Variants in EHMT1 observed in about 807,000 individuals in gnomAD.
The protein encoded by EHMT1 is histone-lysine N-methyltransferase EHMT1.
Under a neutral mutation model 147.2 loss-of-function variants are expected in EHMT1, and 15 were observed. That is an observed-to-expected ratio of 0.10 (90% CI 0.07 to 0.16). The LOEUF (loss-of-function observed/expected upper bound fraction) is 0.16, where lower values mean the gene tolerates loss of function less well. EHMT1 is among the 10% of genes least tolerant of loss of function. EHMT1 has a pLI of 1.00. For missense variants in EHMT1, 1,587 were observed against 1,772.4 expected, an observed-to-expected ratio of 0.90 and a Z score of 1.88; for synonymous variants, 795 against 709.6, an observed-to-expected ratio of 1.12 and a Z score of -1.91.
intron 2 of EHMT1, among the ~76,000 whole-genome samples, chr9:137,713,263 ATT>A (rs59459382): frequency 9.8e-6 from 1 of 102,350 alleles, no homozygotes; most frequent in Non-Finnish European, 2.0e-5. Flanking sequence ...CACCATGCTA[ATT>A]TTTTTTTTTT....
At chr9:137,733,961 C>T (rs1947325828) in intron 4 of EHMT1, among the ~76,000 whole-genome samples, 1 of 152,174 alleles carries the variant, frequency 6.6e-6, no homozygotes, top group African/African-American at 2.4e-5. Flanking sequence ...AAAATGACAA[C>T]AACAAAAACA....
chr9:137,694,916 C>CTA (rs1943270944), intron 1 of EHMT1, among the ~76,000 whole-genome samples: 1 of 152,212 alleles, frequency 6.6e-6, no homozygotes, highest in Non-Finnish European at 1.5e-5. Context: ...AGAGCATCAG[C>CTA]ATATTAGTGG....
chr9:137,689,293 A>T (rs765915421), intron 1 of EHMT1, among the ~76,000 whole-genome samples: 1 of 152,152 alleles, frequency 6.6e-6, no homozygotes, highest in Non-Finnish European at 1.5e-5. Flanking sequence ...GTCCTTCAGG[A>T]GTATTTTTGT....
chr9:137,741,567 A>G (rs1235517736), intron 4 of EHMT1, among the ~76,000 whole-genome samples: 5 of 152,212 alleles, frequency 3.3e-5, no homozygotes, highest in Non-Finnish European at 7.3e-5. Flanking sequence ...ATTAATAACC[A>G]TGGGTTACTG....
At position 137,828,617 on chromosome 9, in the gene EHMT1, C is replaced by T. The variant is rs1955984613; in HGVS notation, c.3541-5732C>T. On this transcript the variant is annotated intron_variant, in intron 25 of 26. Transcript: ENST00000460843. The surrounding 1 kb of genome is among the most constrained non-coding windows in gnomAD (Gnocchi z 5.3). ...GGAGGTACCACGTCTCCCGGGCAGC[C>T]ACAGATCCCACACTCACGGCCCAAG... Among the ~76,000 whole-genome samples, 1 of 152,140 alleles carries T rather than the reference C, an allele frequency of 6.6e-6. No homozygotes were observed. Among genetic ancestry groups the T allele is most frequent in the Admixed American group, 6.5e-5 (1 of 15,274 alleles).
At chr9:137,808,806 C>G (rs531315781) in intron 18 of EHMT1, among the ~76,000 whole-genome samples, 2 of 152,228 alleles carry the variant, frequency 1.3e-5, no homozygotes, top group African/African-American at 4.8e-5. Flanking sequence ...GCCTGTTATC[C>G]CAGCTACTGG....
chr9:137,833,727 TGAG>T (rs1956386675), intron 25 of EHMT1, among the ~76,000 whole-genome samples: 1 of 152,214 alleles, frequency 6.6e-6, no homozygotes, highest in Non-Finnish European at 1.5e-5. Context: ...GGCACCAGGG[TGAG>T]GAGGACGCCT....
rs1172239495 is a variant in EHMT1 at position 137,762,777 on chromosome 9, T to A, written c.1604T>A (p.Leu535Gln). The change falls in exon 10 of 27, where the codon CTG (leucine) becomes CAG (glutamine). Residue 535 changes from leucine to glutamine, a missense_variant. By Grantham distance (113) the Leu-to-Gln change is moderately radical. Around this residue, in one of 7 missense-constraint regions of EHMT1, gnomAD observed 124 missense variants for 197.8 expected, o/e 0.63. Transcript: ENST00000460843. ...CCGAAGAGTCGAGAGATCACCACACTGGCCAACAACCAGTGCATGGCTACA... is the reference window on the plus strand; with the variant it reads ...CCGAAGAGTCGAGAGATCACCACACAGGCCAACAACCAGTGCATGGCTACA... ...ETPKSREITT[L>Q]ANNQCMATES... is the part of the protein sequence containing the mutation. The A allele has an allele frequency of 1.2e-6, 2 of 1,614,216 alleles. No individual in the cohort carries two copies. Among genetic ancestry groups the A allele is most frequent in the South Asian group, 2.2e-5 (2 of 91,074 alleles).
chr9:137,660,088 G>A (rs1938921593), intron 1 of EHMT1, among the ~76,000 whole-genome samples: 1 of 151,886 alleles, frequency 6.6e-6, no homozygotes, highest in African/African-American at 2.4e-5. Context: ...TGTAGTCCCA[G>A]CACTTTGGGA....
intron 1 of EHMT1, among the ~76,000 whole-genome samples, chr9:137,656,872 C>T (rs1236933996): frequency 6.6e-6 from 1 of 152,138 alleles, no homozygotes; most frequent in Non-Finnish European, 1.5e-5. Flanking sequence ...TCCCGAGTAG[C>T]TGGGATTACA....
At chr9:137,671,112 A>C (rs551506863) in intron 1 of EHMT1, among the ~76,000 whole-genome samples, 5 of 152,200 alleles carry the variant, frequency 3.3e-5, no homozygotes, top group Non-Finnish European at 7.3e-5. Context: ...CTTACAGATT[A>C]GTGAGGGTGT....
rs1334784129 is a variant in EHMT1, at chr9:137,732,526, C to T, written c.823+3997C>T. On this transcript the variant is annotated intron_variant, in intron 4 of 26. Transcript: ENST00000460843. The surrounding 1 kb of genome is among the most constrained non-coding windows in gnomAD (Gnocchi z 4.6). The stretch of plus-strand genomic sequence containing the variant: ...AGGCAGTCCTGTTGTGTGGCTGAGT[C>T]TGGGGGTTTATGTGGGCTCAGAATG... 6.6e-6 allele frequency among the ~76,000 whole-genome samples: 1 copy of T among 152,108 alleles called. No individual in the cohort carries two copies. The highest frequency in any genetic ancestry group is 2.4e-5 in the African/African-American group (1 of 41,426).
chr9:137,716,460 T>TGG (rs878955464), intron 2 of EHMT1, among the ~76,000 whole-genome samples, 166 bp from the exon 3 acceptor site: 1 of 20,226 alleles, frequency 4.9e-5, no homozygotes, highest in African/African-American at 2.8e-4. Context: ...GGTGTCATGG[T>TGG]GGGGGAGGAA....
chr9:137,682,224 A>G (rs1942021693), intron 1 of EHMT1, among the ~76,000 whole-genome samples: 1 of 152,066 alleles, frequency 6.6e-6, no homozygotes, highest in Non-Finnish European at 1.5e-5. Context: ...CTGGGATTAC[A>G]AGCGTGAGCC....
At chr9:137,626,232 A>G (rs1437514262) in intron 1 of EHMT1, among the ~76,000 whole-genome samples, 1 of 151,658 alleles carries the variant, frequency 6.6e-6, no homozygotes, top group Admixed American at 6.6e-5. Context: ...TTCTTGTTTT[A>G]TATATATAGT....
chr9:137,785,600 C>G (rs2136965573), intron 15 of EHMT1: 1 of 152,350 alleles, frequency 6.6e-6, no homozygotes, highest in East Asian at 1.9e-4. Flanking sequence ...GACTTCCATT[C>G]TTCCTTTTGA....
chr9:137,740,786 A>C (rs539049853), intron 4 of EHMT1, among the ~76,000 whole-genome samples: 3 of 152,290 alleles, frequency 2.0e-5, no homozygotes, highest in South Asian at 2.1e-4. Context: ...ACTTCCTGAC[A>C]TGATTTATTT....
chr9:137,823,660 C>G (rs1173067151), intron 25 of EHMT1, among the ~76,000 whole-genome samples: 1 of 152,210 alleles, frequency 6.6e-6, no homozygotes, highest in Non-Finnish European at 1.5e-5. Flanking sequence ...ATCCGCCCGC[C>G]TCGGCCTCTC....
At chr9:137,743,129 T>C in intron 4 of EHMT1, 1 of 497,620 alleles carries the variant, frequency 2.0e-6, no homozygotes, top group South Asian at 2.1e-5. Flanking sequence ...CTCCGTGTTT[T>C]GTTGTGAATG....
Sources: gnomAD v4.1 joint callset for allele counts (sites outside exome capture counted in the v4.1 genomes callset) on GRCh38, gnomAD v4.1.1 for gene constraint, gnomAD v4.1.1 regional missense constraint, Gnocchi (gnomAD v3.1) non-coding constraint, MANE v1.5 for transcripts, NCBI Gene and HGNC (gene_info 2026-07-23, HGNC 2026-07-21) for gene names.